EXOC6: variants seen among roughly 807,000 people sequenced by gnomAD.
EXOC6 encodes exocyst complex component 6.
EXOC6 carries 60 observed loss-of-function variants against 112.5 expected under a neutral mutation model. The observed-to-expected ratio is 0.53, with a 90% CI of 0.43 to 0.66. The LOEUF (loss-of-function observed/expected upper bound fraction) is 0.66. Among genes scored for constraint, EXOC6 ranks in the 30% least tolerant of loss-of-function variants. The probability of loss-of-function intolerance (pLI) is 0.00; values close to 1 mark genes in which losing one functional copy is unlikely to be tolerated. For missense variants in EXOC6, 855 were observed against 957.1 expected (o/e 0.89, Z 1.41); for synonymous variants, 295 against 308.0 (o/e 0.96, Z 0.44).
intron 1 of EXOC6, among the ~76,000 whole-genome samples, chr10:92,877,629 T>C (rs1021438337): frequency 2.0e-5 from 3 of 152,228 alleles, no homozygotes; most frequent in Non-Finnish European, 4.4e-5. Flanking sequence ...TTCTTTCTGA[T>C]TCTTCTGCAA....
chr10:92,872,242 T>A (rs1161861475), intron 1 of EXOC6, among the ~76,000 whole-genome samples: 1 of 152,146 alleles, frequency 6.6e-6, no homozygotes, highest in African/African-American at 2.4e-5. Flanking sequence ...ATTTCCCCTT[T>A]GATCCAAAAG....
intron 20 of EXOC6, among the ~76,000 whole-genome samples, chr10:93,049,663 T>A (rs1191001309): frequency 6.6e-6 from 1 of 152,182 alleles, no homozygotes; most frequent in Non-Finnish European, 1.5e-5. Context: ...CACTGCAGCC[T>A]CCACCTTCTG....
Position 92,834,834 on chromosome 10 carries a change from C to T in EXOC6, c.86+10C>T, listed in dbSNP as rs771245840. ...TTGAAGCTACTTTAAGGTAGGGCAC[C>T]GTTGCATTTTATTGTGTCTTCTTTA... On this transcript the variant is annotated intron_variant, in intron 1 of 21. Transcript: ENST00000371552. The T allele has an allele frequency of 1.7e-5, 26 of 1,548,262 alleles. 1 individual carries two copies. The highest frequency in any genetic ancestry group is 1.4e-4 in the Admixed American group (8 of 58,230).
intron 20 of EXOC6, among the ~76,000 whole-genome samples, chr10:93,020,037 T>G (rs1300862572): frequency 6.6e-6 from 1 of 152,314 alleles, no homozygotes; most frequent in East Asian, 1.9e-4. Flanking sequence ...TTGGTCCTAG[T>G]ATAATTTGTA....
chr10:92,851,819 C>G (rs1315354009), intron 1 of EXOC6, among the ~76,000 whole-genome samples: 4 of 151,856 alleles, frequency 2.6e-5, no homozygotes, highest in African/African-American at 9.7e-5. Context: ...GCCTGTAATC[C>G]CAGCACTTTG....
At chr10:93,014,379 C>G (rs1400500456) in intron 20 of EXOC6, 112 bp downstream of exon 20, 7 of 799,654 alleles carry the variant, frequency 8.8e-6, no homozygotes, top group Non-Finnish European at 1.5e-5. Context: ...AACAACCTAT[C>G]TTAAGAAAAA....
At chr10:93,049,658 C>T (rs1030789206) in intron 20 of EXOC6, among the ~76,000 whole-genome samples, 3 of 152,148 alleles carry the variant, frequency 2.0e-5, no homozygotes, top group Non-Finnish European at 4.4e-5. Flanking sequence ...TTGCTCACTG[C>T]AGCCTCCACC....
chr10:93,029,530 A>G (rs1845179357), intron 20 of EXOC6, among the ~76,000 whole-genome samples: 2 of 152,150 alleles, frequency 1.3e-5, no homozygotes, highest in Non-Finnish European at 2.9e-5. Flanking sequence ...TATATTCTGA[A>G]TGGGAGTTCT....
intron 20 of EXOC6, among the ~76,000 whole-genome samples, chr10:93,046,314 A>G (rs1414288060): frequency 6.6e-6 from 1 of 152,220 alleles, no homozygotes; most frequent in Admixed American, 6.5e-5. Context: ...CCAGACTAAA[A>G]ATGGAATTAT....
intron 20 of EXOC6, among the ~76,000 whole-genome samples, chr10:93,021,328 A>G (rs190972874): frequency 1.1e-4 from 16 of 152,234 alleles, no homozygotes; most frequent in Non-Finnish European, 1.9e-4. Context: ...ACAAAACAAA[A>G]CAAACCAAAC....
At chr10:92,943,343 A>G (rs1284411525) in intron 13 of EXOC6, among the ~76,000 whole-genome samples, 1 of 152,156 alleles carries the variant, frequency 6.6e-6, no homozygotes, top group Admixed American at 6.5e-5. Flanking sequence ...AAGTAGCACA[A>G]CTTAAGCTTT....
intron 20 of EXOC6, among the ~76,000 whole-genome samples, chr10:93,053,331 C>G (rs1846390635): frequency 6.6e-6 from 1 of 152,196 alleles, no homozygotes; most frequent in African/African-American, 2.4e-5. Flanking sequence ...AGGTGGGACC[C>G]AGGAATAAAG....
intron 20 of EXOC6, among the ~76,000 whole-genome samples, chr10:93,041,041 C>T (rs1212506093): frequency 2.0e-5 from 3 of 152,216 alleles, no homozygotes; most frequent in Non-Finnish European, 4.4e-5. Flanking sequence ...GTGTGTCCCG[C>T]ATGCTGTGTG....
intron 4 of EXOC6, among the ~76,000 whole-genome samples, chr10:92,898,133 C>T (rs913870712): frequency 6.6e-6 from 1 of 151,880 alleles, no homozygotes; most frequent in Non-Finnish European, 1.5e-5. Flanking sequence ...TGTGAGAAGT[C>T]ATAGCTTGGG....
intron 1 of EXOC6, among the ~76,000 whole-genome samples, chr10:92,839,306 C>T (rs759724713): frequency 9.9e-5 from 15 of 151,474 alleles, no homozygotes; most frequent in Admixed American, 3.9e-4. Flanking sequence ...CAGCTCCTTC[C>T]GCTAGGGGGC....
At chr10:92,832,438 C>T (rs528707007), upstream of EXOC6, among the ~76,000 whole-genome samples, 15 of 152,128 alleles carry the variant, frequency 9.9e-5, no homozygotes, top group South Asian at 6.2e-4. Context: ...CCACCACAGC[C>T]GGCTAATTTT....
chr10:92,890,297 A>T (rs918926453), intron 1 of EXOC6, among the ~76,000 whole-genome samples: 6 of 152,102 alleles, frequency 3.9e-5, no homozygotes, highest in African/African-American at 1.2e-4. Context: ...TATTATCCTG[A>T]TTTTATGGTT....
chr10:92,948,573 C>CACTACCACT (rs1554900788), intron 14 of EXOC6, among the ~76,000 whole-genome samples, 194 bp downstream of exon 14: 12 of 140,184 alleles, frequency 8.6e-5, no homozygotes, highest in African/African-American at 3.2e-4. Context: ...CTACTACTAC[C>CACTACCACT]ACTACTACTA....
At chr10:92,958,961 G>T (rs1052174965) in intron 17 of EXOC6, among the ~76,000 whole-genome samples, 6 of 152,046 alleles carry the variant, frequency 3.9e-5, no homozygotes, top group Admixed American at 3.9e-4. Context: ...GGGTGTGGTG[G>T]TGCGCACATG....
Sources: gnomAD v4.1 joint callset for allele counts (sites outside exome capture counted in the v4.1 genomes callset) on GRCh38, gnomAD v4.1.1 for gene constraint, MANE v1.5 for transcripts, NCBI Gene and HGNC (gene_info 2026-07-23, HGNC 2026-07-21) for gene names.